CERT1: variants seen among roughly 807,000 people sequenced by gnomAD.
CERT1 encodes ceramide transporter 1, also known as ceramide transfer protein.
CERT1 carries 31 observed loss-of-function variants against 87.9 expected under a neutral mutation model. The ratio of observed to expected loss-of-function variants is 0.35; its 90% CI spans 0.27 to 0.48. The LOEUF (loss-of-function observed/expected upper bound fraction) is 0.48. Ranked by LOEUF, CERT1 falls within the 20% of genes least tolerant of loss-of-function variation. The probability of loss-of-function intolerance (pLI) is 0.99; values close to 1 mark genes in which losing one functional copy is unlikely to be tolerated. For synonymous variants in CERT1, 289 were observed against 250.9 expected (o/e 1.15, Z -1.44); for missense variants, 487 against 758.0 (o/e 0.64, Z 4.20).
At chr5:75,427,910 T>C (rs1458338771) in intron 3 of CERT1, among the ~76,000 whole-genome samples, 2 of 152,154 alleles carry the variant, frequency 1.3e-5, no homozygotes, top group Admixed American at 6.5e-5. Context: ...TAAAATAATA[T>C]CTAATTATTT....
At chr5:75,483,647 T>C (rs1766360424) in intron 2 of CERT1, among the ~76,000 whole-genome samples, 1 of 152,110 alleles carries the variant, frequency 6.6e-6, no homozygotes, top group Non-Finnish European at 1.5e-5. Flanking sequence ...CCAATACATC[T>C]AGCAGAAGAC....
chr5:75,406,323 AG>A (rs1219816991), intron 8 of CERT1, among the ~76,000 whole-genome samples: 3 of 152,208 alleles, frequency 2.0e-5, no homozygotes, highest in Admixed American at 6.5e-5. Flanking sequence ...TTCTGCTAAG[AG>A]GTTCTTTCCT....
intron 8 of CERT1, among the ~76,000 whole-genome samples, chr5:75,404,521 C>T (rs773041863): frequency 3.3e-5 from 5 of 152,132 alleles, no homozygotes; most frequent in Non-Finnish European, 7.4e-5. Context: ...GACAACTTTG[C>T]TCTCTGTTGA....
intron 3 of CERT1, among the ~76,000 whole-genome samples, chr5:75,441,592 A>G (rs1277897861): frequency 1.3e-5 from 2 of 151,404 alleles, no homozygotes; most frequent in African/African-American, 4.9e-5. Flanking sequence ...CCCTCCCCCT[A>G]TCCCTGGCAA....
chr5:75,397,438 G>A (rs1474005993), intron 11 of CERT1, among the ~76,000 whole-genome samples: 2 of 152,202 alleles, frequency 1.3e-5, no homozygotes, highest in Non-Finnish European at 2.9e-5. Context: ...CTGCTTCTCA[G>A]TGATATAGTT....
intron 2 of CERT1, among the ~76,000 whole-genome samples, chr5:75,478,808 T>A (rs767590358): frequency 1.4e-5 from 2 of 143,232 alleles, no homozygotes; most frequent in Non-Finnish European, 3.0e-5. Flanking sequence ...TATTTCTCCA[T>A]CCAAAGCAAG....
At chr5:75,469,510 A>G (rs1765619339) in intron 2 of CERT1, among the ~76,000 whole-genome samples, 1 of 152,134 alleles carries the variant, frequency 6.6e-6, no homozygotes, top group Admixed American at 6.5e-5. Flanking sequence ...ACAGTGTAGT[A>G]AAAAGAGTTT....
intron 8 of CERT1, among the ~76,000 whole-genome samples, chr5:75,410,263 A>C (rs1378793524): frequency 6.6e-6 from 1 of 152,214 alleles, no homozygotes; most frequent in Admixed American, 6.5e-5. Flanking sequence ...AGCTGGTTTC[A>C]GACATTTTCA....
At chr5:75,404,757 C>T (rs1332617607) in intron 8 of CERT1, among the ~76,000 whole-genome samples, 2 of 152,058 alleles carry the variant, frequency 1.3e-5, no homozygotes, top group East Asian at 3.8e-4. Context: ...GCCTATAAAC[C>T]CAGCACTCTG....
chr5:75,400,386 T>C, intron 9 of CERT1, 89 bp from the exon 10 acceptor site: 1 of 877,318 alleles, frequency 1.1e-6, no homozygotes, highest in East Asian at 2.7e-5. Flanking sequence ...ACTACCAACA[T>C]TCACTTAGTG....
In CERT1 at chr5:75,383,741, T is replaced by C. The variant is rs140975836; in HGVS notation, c.1488+901A>G. On this transcript the variant is annotated intron_variant, in intron 14 of 16. Transcript: ENST00000643780. ...AAAGAAAAATGAAGCACTCACTGAA[T>C]TGGAAAAACAAAGTACCTATTAAAT... is the stretch of plus-strand genomic sequence containing the variant. Among the ~76,000 whole-genome samples, 218 of 152,284 alleles carry C rather than the reference T, an allele frequency of 1.4e-3. 1 individual carries two copies. The highest frequency in any genetic ancestry group is 4.4e-3 in the African/African-American group (181 of 41,558).
In CERT1 at chr5:75,418,036, A is replaced by G. The variant is rs190039987; in HGVS notation, c.680-1003T>C. ...CTGGGTGTGGTGGCGCATGCCTGTAATCCCAGCTACTCAGGAGGCTGAAGC... is the reference window on the plus strand; with the variant it reads ...CTGGGTGTGGTGGCGCATGCCTGTAGTCCCAGCTACTCAGGAGGCTGAAGC... On this transcript the variant is annotated intron_variant, in intron 6 of 16. Transcript: ENST00000643780. 2.0e-5 allele frequency among the ~76,000 whole-genome samples: 3 copies of G among 152,272 alleles called. No homozygotes were observed. In the East Asian group the frequency reaches 5.8e-4, roughly 29 times the overall value.
intron 11 of CERT1, among the ~76,000 whole-genome samples, chr5:75,392,840 G>T (rs564463654): frequency 8.5e-4 from 128 of 151,204 alleles, no homozygotes; most frequent in Non-Finnish European, 1.7e-3. Flanking sequence ...CGTGGTGGTG[G>T]GTGCCTGTAG....
chr5:75,437,638 C>T (rs773616635), intron 3 of CERT1, among the ~76,000 whole-genome samples: 10 of 151,600 alleles, frequency 6.6e-5, no homozygotes, highest in Non-Finnish European at 1.2e-4. Flanking sequence ...TGGTGGTGCA[C>T]GCCTATTGTC....
intron 3 of CERT1, among the ~76,000 whole-genome samples, chr5:75,428,605 G>C (rs905594136): frequency 5.3e-5 from 8 of 151,908 alleles, no homozygotes; most frequent in Admixed American, 2.6e-4. Flanking sequence ...ATGAACCTGG[G>C]AGGCGGAGCT....
At chr5:75,400,385 A>G (rs551443564) in intron 9 of CERT1, 88 bp from the exon 10 acceptor site, 62 of 891,942 alleles carry the variant, frequency 7.0e-5, no homozygotes, top group Middle Eastern at 4.5e-4. Flanking sequence ...AACTACCAAC[A>G]TTCACTTAGT....
intron 2 of CERT1, among the ~76,000 whole-genome samples, chr5:75,501,697 G>A (rs1195975200): frequency 6.6e-6 from 1 of 152,064 alleles, no homozygotes; most frequent in Non-Finnish European, 1.5e-5. Context: ...AAATAAATAT[G>A]GGACCGTAAT....
At chr5:75,457,813 C>T (rs992311015) in intron 3 of CERT1, among the ~76,000 whole-genome samples, 14 of 148,532 alleles carry the variant, frequency 9.4e-5, no homozygotes, top group Non-Finnish European at 2.1e-4. Flanking sequence ...CAAAACAGTG[C>T]CTGAGATTTC....
chr5:75,403,268 T>G (rs1449512515), intron 8 of CERT1, among the ~76,000 whole-genome samples: 1 of 152,226 alleles, frequency 6.6e-6, no homozygotes, highest in African/African-American at 2.4e-5. Context: ...TATATTTACT[T>G]ACTGTATATT....
Sources: allele counts gnomAD v4.1 joint callset (sites outside exome capture counted in the v4.1 genomes callset), GRCh38; gene constraint gnomAD v4.1.1; transcripts MANE v1.5; gene names NCBI Gene and HGNC (gene_info 2026-07-23, HGNC 2026-07-21).